The following TBC1D14 variants were observed in gnomAD, a reference collection of about 807,000 sequenced individuals.
The protein encoded by TBC1D14 is TBC1 domain family member 14.
A neutral mutation model predicts 79.0 loss-of-function variants in TBC1D14; 26 were observed. The ratio of observed to expected loss-of-function variants is 0.33; its 90% CI spans 0.24 to 0.46. TBC1D14 has a LOEUF of 0.46. Ranked by LOEUF, TBC1D14 falls within the 20% of genes least tolerant of loss-of-function variation. The pLI is 1.00. For missense variants in TBC1D14, 769 were observed against 887.6 expected (o/e 0.87, Z 1.70); for synonymous variants, 394 against 349.9 (o/e 1.13, Z -1.40).
At chr4:6,912,851 C>T (rs1178373090) in intron 1 of TBC1D14, among the ~76,000 whole-genome samples, 2 of 152,172 alleles carry the variant, frequency 1.3e-5, no homozygotes, top group Non-Finnish European at 1.5e-5. Flanking sequence ...AACCAAGGCT[C>T]GGGGAAGTTA....
chr4:6,939,323 GC>G (rs1017144203), intron 2 of TBC1D14, among the ~76,000 whole-genome samples: 5 of 151,232 alleles, frequency 3.3e-5, no homozygotes, highest in East Asian at 1.9e-4. Flanking sequence ...ATCCACAGGA[GC>G]CCCCCCCAGG....
chr4:6,987,560 C>T (rs1577126368), intron 3 of TBC1D14: 3 of 411,480 alleles, frequency 7.3e-6, no homozygotes, highest in Non-Finnish European at 1.3e-5. Context: ...GCGCTCTCCT[C>T]CCTGGTACTC....
intron 3 of TBC1D14, among the ~76,000 whole-genome samples, chr4:6,976,024 C>T (rs1014860483): frequency 6.6e-6 from 1 of 152,126 alleles, no homozygotes; most frequent in Non-Finnish European, 1.5e-5. Context: ...ACCCAGGAGC[C>T]GGAGGTTGCA....
intron 2 of TBC1D14, among the ~76,000 whole-genome samples, chr4:6,953,359 C>T (rs201183600): frequency 0.28 from 35,767 of 128,630 alleles, 5,349 homozygotes; most frequent in Admixed American, 0.33. Flanking sequence ...CGGTGGCTCA[C>T]GCCTGTAATC....
chr4:6,978,300 G>T (rs527888799), intron 3 of TBC1D14, among the ~76,000 whole-genome samples: 3 of 150,832 alleles, frequency 2.0e-5, no homozygotes, highest in African/African-American at 4.9e-5. Flanking sequence ...GAATAGAAAG[G>T]GGGGAAAGGT....
At chr4:6,987,087 C>CCT in intron 3 of TBC1D14, 1 of 1,047,018 alleles carries the variant, frequency 9.6e-7, no homozygotes, top group Non-Finnish European at 1.2e-6. Context: ...AGCCCCGCCC[C>CCT]TTGTGCCCGC....
rs576329761 is a variant in TBC1D14 at position 6,999,767 on chromosome 4, C to G, written c.1163+565C>G. On this transcript the variant is annotated intron_variant, in intron 6 of 13. Transcript: ENST00000409757. Reference sequence around the variant, plus strand: ...TGCTGCCCCTACCCTGGCTCTAGGGCCCTGTGGTTCTGTGTGCACACAGCT... The same window carrying G: ...TGCTGCCCCTACCCTGGCTCTAGGGGCCTGTGGTTCTGTGTGCACACAGCT... Among the ~76,000 whole-genome samples, 38 of 152,260 alleles carry G rather than the reference C, an allele frequency of 2.5e-4. 1 individual carries two copies. In the South Asian group the frequency reaches 7.7e-3, roughly 31 times the overall value.
At chr4:6,971,298 A>C (rs866551517) in intron 3 of TBC1D14, among the ~76,000 whole-genome samples, 2 of 152,244 alleles carry the variant, frequency 1.3e-5, no homozygotes, top group Non-Finnish European at 2.9e-5. Context: ...ATTTTTGCCC[A>C]GGGTTGAACA....
intron 3 of TBC1D14, chr4:6,987,473 G>C (rs1212387266): frequency 1.1e-6 from 1 of 928,080 alleles, no homozygotes; most frequent in East Asian, 3.3e-5. Context: ...GAGTGTGCAT[G>C]TGTGCGGTTG....
intron 3 of TBC1D14, among the ~76,000 whole-genome samples, chr4:6,985,168 C>G (rs945586857): frequency 2.0e-5 from 3 of 152,182 alleles, no homozygotes; most frequent in Non-Finnish European, 4.4e-5. Flanking sequence ...CAGCACACAG[C>G]TCTTAAGAGT....
At chr4:6,950,589 A>AT (rs34712975) in intron 2 of TBC1D14, among the ~76,000 whole-genome samples, 136,449 of 152,138 alleles carry the variant, frequency 0.9, 61,269 homozygotes, top group East Asian at 0.97. Flanking sequence ...CCTTTATTAG[A>AT]TAAGGAAGTC....
rs1305658637 is a variant in TBC1D14, at chr4:7,014,442, C to A, written c.1648-6C>A. On this transcript the variant is annotated splice_polypyrimidine_tract_variant and splice_region_variant and intron_variant, in intron 11 of 13. Transcript: ENST00000409757. ...TTTCTGAGTAAATTTCATATTATCT[C>A]CCTAGATGTTGACTTATTTTGCTGC... 3 of 1,591,440 alleles carry A rather than the reference C, an allele frequency of 1.9e-6. No homozygotes were observed. Among genetic ancestry groups the A allele is most frequent in the Non-Finnish European group, 2.6e-6 (3 of 1,160,152 alleles).
chr4:6,927,871 G>C (rs1047812591), intron 2 of TBC1D14, among the ~76,000 whole-genome samples: 1 of 152,324 alleles, frequency 6.6e-6, no homozygotes, highest in Non-Finnish European at 1.5e-5. Flanking sequence ...ATTTGAGGAC[G>C]ATTTTCATTT....
At chr4:6,971,619 C>T (rs1001860414) in intron 3 of TBC1D14, among the ~76,000 whole-genome samples, 5 of 152,160 alleles carry the variant, frequency 3.3e-5, no homozygotes, top group East Asian at 3.8e-4. Flanking sequence ...AAAATGACCA[C>T]GGGTAGGAGA....
intron 10 of TBC1D14, among the ~76,000 whole-genome samples, 158 bp from the exon 11 acceptor site, chr4:7,010,495 T>C (rs1720643154): frequency 6.6e-6 from 1 of 152,140 alleles, no homozygotes; most frequent in African/African-American, 2.4e-5. Context: ...GTGGTGGTTC[T>C]GAGTGAGGGC....
At chr4:6,924,547 C>T (rs1368214762) in intron 2 of TBC1D14, among the ~76,000 whole-genome samples, 1 of 152,214 alleles carries the variant, frequency 6.6e-6, no homozygotes, top group East Asian at 1.9e-4. Context: ...CCGGGTGTTC[C>T]AGCCGTGTCC....
chr4:7,015,796 G>A (rs1043356994), intron 12 of TBC1D14, among the ~76,000 whole-genome samples: 1 of 152,198 alleles, frequency 6.6e-6, no homozygotes, highest in Non-Finnish European at 1.5e-5. Flanking sequence ...TGAGCTCCCA[G>A]TTCCTTATCT....
intron 2 of TBC1D14, among the ~76,000 whole-genome samples, chr4:6,950,459 G>A (rs542553979): frequency 2.0e-5 from 3 of 152,140 alleles, no homozygotes; most frequent in Non-Finnish European, 4.4e-5. Context: ...GAATTGAAGT[G>A]GGACTGGCAG....
chr4:6,910,582 C>G (rs1328015687), intron 1 of TBC1D14: 2 of 152,264 alleles, frequency 1.3e-5, no homozygotes, highest in African/African-American at 2.4e-5. Context: ...GTCTCGGGGC[C>G]GGGGTAGCTG....
Sources: allele counts gnomAD v4.1 joint callset (sites outside exome capture counted in the v4.1 genomes callset), GRCh38; gene constraint gnomAD v4.1.1; transcripts MANE v1.5; gene names NCBI Gene and HGNC (gene_info 2026-07-23, HGNC 2026-07-21).